Variants in GATA3 observed in about 807,000 individuals in gnomAD.
GATA3 encodes trans-acting T-cell-specific transcription factor GATA-3.
Under a neutral mutation model 36.0 loss-of-function variants are expected in GATA3, and 6 were observed. The observed-to-expected ratio is 0.17, with a 90% CI of 0.09 to 0.33. The LOEUF is 0.33. Ranked by LOEUF, GATA3 falls within the 10% of genes least tolerant of loss-of-function variation. The probability of loss-of-function intolerance (pLI) is 1.00; values close to 1 mark genes in which losing one functional copy is unlikely to be tolerated. For synonymous variants in GATA3, 326 were observed against 273.0 expected (o/e 1.19, Z -1.92); for missense variants, 514 against 610.1 (o/e 0.84, Z 1.66).
rs1288299172 is a variant in GATA3, at chr10:8,058,797, C to T, written c.734C>T (p.Thr245Ile). Residue 245 changes from threonine to isoleucine, a missense_variant, in exon 3 of 6, where the codon ACC (threonine) becomes ATC (isoleucine). Around this residue, in one of 3 missense-constraint regions of GATA3, gnomAD observed 381 missense variants for 354.3 expected, o/e 1.08. Transcript: ENST00000379328. Reference protein sequence around the residue: ...PPSSLLGGSPTGFGCKSRPKA... With the variant: ...PPSSLLGGSPIGFGCKSRPKA... The stretch of plus-strand genomic sequence containing the variant: ...AGCAGCCTGCTGGGCGGCTCCCCCA[C>T]CGGCTTCGGATGCAAGTCCAGGCCC... The T allele has an allele frequency of 3.1e-6, 5 of 1,607,952 alleles. No homozygotes were observed. Among genetic ancestry groups the T allele is most frequent in the Non-Finnish European group, 4.2e-6 (5 of 1,179,844 alleles).
At chr10:8,047,959 A>C (rs1825657476) in intron 1 of GATA3, among the ~76,000 whole-genome samples, 1 of 151,954 alleles carries the variant, frequency 6.6e-6, no homozygotes, top group African/African-American at 2.4e-5. Context: ...GGAAGACAAG[A>C]ACGGTTTGTG....
At chr10:8,047,290 C>T (rs1238677531) in intron 1 of GATA3, among the ~76,000 whole-genome samples, 2 of 152,184 alleles carry the variant, frequency 1.3e-5, no homozygotes, top group Non-Finnish European at 2.9e-5. Context: ...GTCCTGGAAC[C>T]ATAGGAGGTG....
At chr10:8,065,987 A>C (rs1226737196) in intron 4 of GATA3, among the ~76,000 whole-genome samples, 1 of 145,606 alleles carries the variant, frequency 6.9e-6, no homozygotes, top group Non-Finnish European at 1.5e-5. Flanking sequence ...AAAAAGAGAG[A>C]GAGAGAGAGA....
At chr10:8,069,174 G>C (rs1832890858) in intron 4 of GATA3, among the ~76,000 whole-genome samples, 3 of 152,124 alleles carry the variant, frequency 2.0e-5, no homozygotes, top group African/African-American at 7.2e-5. Flanking sequence ...TGTGGGTTGA[G>C]GGTAGGAGGC....
At chr10:8,058,172 AGT>A in intron 2 of GATA3, 131 bp from the exon 3 acceptor site, 1 of 941,396 alleles carries the variant, frequency 1.1e-6, no homozygotes, top group East Asian at 2.6e-5. Flanking sequence ...AGGATGAGAG[AGT>A]GGGCCTGAGC....
chr10:8,071,320 G>C (rs1005565751), intron 5 of GATA3, among the ~76,000 whole-genome samples: 6 of 152,178 alleles, frequency 3.9e-5, no homozygotes, highest in African/African-American at 1.4e-4. Context: ...AGAACCAGGG[G>C]AAAGGGAATG....
intron 5 of GATA3, among the ~76,000 whole-genome samples, chr10:8,069,944 G>C (rs957046536): frequency 6.6e-6 from 1 of 152,104 alleles, no homozygotes; most frequent in Non-Finnish European, 1.5e-5. Context: ...CTATTTTGTT[G>C]TTTCCTTACA....
intron 3 of GATA3, among the ~76,000 whole-genome samples, chr10:8,059,460 G>A (rs1832712025): frequency 6.6e-6 from 1 of 152,220 alleles, no homozygotes; most frequent in East Asian, 1.9e-4. Flanking sequence ...CATTGGGGAA[G>A]CAGAGTTGAA....
upstream of GATA3, among the ~76,000 whole-genome samples, chr10:8,053,998 G>C (rs974958820): frequency 3.9e-5 from 6 of 152,112 alleles, no homozygotes; most frequent in African/African-American, 1.4e-4. The surrounding 1 kb of genome is among the most constrained non-coding windows in gnomAD (Gnocchi z 5.1). Flanking sequence ...CAGCTGAAGC[G>C]TGTTCACTCT....
At chr10:8,060,714 G>A (rs1832733407) in intron 3 of GATA3, among the ~76,000 whole-genome samples, 1 of 151,932 alleles carries the variant, frequency 6.6e-6, no homozygotes, top group Non-Finnish European at 1.5e-5. Flanking sequence ...CACACTTTCT[G>A]CCTTAAGTTT....
upstream of GATA3, among the ~76,000 whole-genome samples, chr10:8,049,547 C>A (rs1217556296): frequency 6.6e-6 from 1 of 152,154 alleles, no homozygotes; most frequent in Admixed American, 6.5e-5. Flanking sequence ...GGCGCCCTGC[C>A]GCAGCGGGCT....
Position 8,074,237 on chromosome 10 carries a change from T to G in GATA3, c.*214T>G, listed in dbSNP as rs1038941110. On this transcript the variant is annotated 3_prime_UTR_variant, in exon 6 of 6. Coordinates refer to ENST00000379328, the MANE Select transcript of GATA3 (RefSeq NM_001002295.2). ...TGGACCCCATCTGTGAATAAGCCAT[T>G]CTGACTCATATCCCCTATTTAACAG... 2.4e-5 allele frequency: 14 copies of G among 594,362 alleles called. No homozygotes were observed. Among genetic ancestry groups the G allele is most frequent in the Non-Finnish European group, 3.5e-5 (12 of 338,322 alleles). 36.8% of individuals were successfully genotyped at this position (594,362 alleles called of 1,614,324 possible).
At chr10:8,073,144 C>CAAAA (rs11335485) in intron 5 of GATA3, among the ~76,000 whole-genome samples, 6 of 69,972 alleles carry the variant, frequency 8.6e-5, no homozygotes, top group African/African-American at 1.8e-4. Flanking sequence ...GACTTCGTCT[C>CAAAA]AAAAAAAAAA....
intron 3 of GATA3, among the ~76,000 whole-genome samples, chr10:8,059,859 G>C (rs1832718833): frequency 6.6e-6 from 1 of 152,234 alleles, no homozygotes; most frequent in African/African-American, 2.4e-5. Context: ...ACAGGGTTTG[G>C]TGAAGATTTT....
chr10:8,058,845 G>A lies in GATA3; in HGVS notation c.778+4G>A, dbSNP rs926167341. ...CCCAAGGCCCGGTCCAGCACAGGTA[G>A]GAGCCAGCTCTTCCCTGGAGCCTTT... On this transcript the variant is annotated splice_donor_region_variant and intron_variant, in intron 3 of 5. Coordinates refer to ENST00000379328, the MANE Select transcript of GATA3 (RefSeq NM_001002295.2). The A allele has an allele frequency of 1.2e-6, 2 of 1,601,876 alleles. No individual in the cohort carries two copies. The highest frequency in any genetic ancestry group is 1.7e-6 in the Non-Finnish European group (2 of 1,179,776).
intron 4 of GATA3, among the ~76,000 whole-genome samples, 170 bp downstream of exon 4, chr10:8,064,308 C>CTTTTTTTTTTTTTTTTTT (rs1315616378): frequency 1.8e-5 from 2 of 114,136 alleles, no homozygotes; most frequent in Non-Finnish European, 3.4e-5. Flanking sequence ...TTTTCTTCTT[C>CTTTTTTTTTTTTTTTTTT]TTCTTTTTTT....
rs139060743 is a variant in GATA3, at chr10:8,045,684, T to A, written c.-370+169T>A. On this transcript the variant is annotated intron_variant, in intron 1 of 1. Transcript: ENST00000643001. The stretch of plus-strand genomic sequence containing the variant: ...TTTTGGTCACTGGAAATCTCTGGGT[T>A]TCTGTGGTGACCTTGGGCGGGTACG... Among the ~76,000 whole-genome samples, 487 of 152,284 alleles carry A rather than the reference T, an allele frequency of 3.2e-3. 2 individuals carry two copies. The highest frequency in any genetic ancestry group is 0.011 in the African/African-American group (451 of 41,564).
upstream of GATA3, among the ~76,000 whole-genome samples, chr10:8,049,919 C>T (rs891334681): frequency 6.6e-6 from 1 of 152,204 alleles, no homozygotes; most frequent in African/African-American, 2.4e-5. Flanking sequence ...TCCGGCTTCT[C>T]TCCTTTGAAC....
chr10:8,055,974 G>A lies in GATA3; in HGVS notation c.241+78G>A. 3.9e-6 allele frequency: 6 copies of A among 1,534,018 alleles called. No homozygotes were observed. The highest frequency in any genetic ancestry group is 5.3e-6 in the Non-Finnish European group (6 of 1,133,396). ...CTCGGGGAGGTCGGGAGGGACCTGA[G>A]GGCGGGGAGAGGTCAAGCGAAAGCC... On this transcript the variant is annotated intron_variant, in intron 2 of 5. Transcript: ENST00000379328. This position sits in a 1 kb window ranked among gnomAD's most constrained non-coding sequence, Gnocchi z 5.4.
Sources: gnomAD v4.1 joint callset for allele counts (sites outside exome capture counted in the v4.1 genomes callset) on GRCh38, gnomAD v4.1.1 for gene constraint, gnomAD v4.1.1 regional missense constraint, Gnocchi (gnomAD v3.1) non-coding constraint, MANE v1.5 for transcripts, NCBI Gene and HGNC (gene_info 2026-07-23, HGNC 2026-07-21) for gene names.